Variants in SMG1 observed in about 807,000 individuals in gnomAD.
The protein encoded by SMG1 is serine/threonine-protein kinase SMG1.
A neutral mutation model predicts 419.9 loss-of-function variants in SMG1; 22 were observed. The ratio of observed to expected loss-of-function variants is 0.05; its 90% CI spans 0.04 to 0.07. SMG1 has a LOEUF of 0.07. Ranked by LOEUF, SMG1 falls within the 10% of genes least tolerant of loss-of-function variation. The probability of loss-of-function intolerance (pLI) is 1.00; values close to 1 mark genes in which losing one functional copy is unlikely to be tolerated. For synonymous variants in SMG1, 1,538 were observed against 1,553.5 expected (o/e 0.99, Z 0.23); for missense variants, 3,185 against 4,342.0 (o/e 0.73, Z 7.49).
At chr16:18,852,641 T>C (rs142421598) in intron 31 of SMG1, among the ~76,000 whole-genome samples, 179 bp from the exon 32 acceptor site, 10 of 152,284 alleles carry the variant, frequency 6.6e-5, no homozygotes, top group East Asian at 1.9e-4. Context: ...CTCTAAAAGG[T>C]TGGTATGTTG....
chr16:18,908,197 C>A (rs2037646387), intron 1 of SMG1, among the ~76,000 whole-genome samples: 1 of 151,860 alleles, frequency 6.6e-6, no homozygotes, highest in African/African-American at 2.4e-5. Context: ...GAAACCCAGT[C>A]TCTACTAAAA....
chr16:18,891,068 A>G (rs2141810895), intron 4 of SMG1, 147 bp from the exon 5 acceptor site: 1 of 618,136 alleles, frequency 1.6e-6, no homozygotes, highest in East Asian at 2.8e-5. Context: ...ATGAGCATGT[A>G]TCAGGAATGT....
chr16:18,813,723 A>T (rs1294876544), intron 60 of SMG1, among the ~76,000 whole-genome samples: 1 of 152,170 alleles, frequency 6.6e-6, no homozygotes, highest in African/African-American at 2.4e-5. Flanking sequence ...TGTTTTAGAC[A>T]TGGAGTCCTT....
chr16:18,836,032 T>C lies in SMG1; in HGVS notation c.7958A>G (p.Lys2653Arg). 1 of 1,584,690 alleles carries C rather than the reference T, an allele frequency of 6.3e-7. No individual in the cohort carries two copies. The highest frequency in any genetic ancestry group is 8.6e-7 in the Non-Finnish European group (1 of 1,165,086). Residue 2653 changes from lysine to arginine, a missense_variant, in exon 48 of 63, where the codon AAG becomes AGG. Transcript: ENST00000446231. ...HYATVALQYP[K>R]AIFQKHRIEQ... is the part of the protein sequence containing the mutation. ...AATTCGATGTTTCTGAAATATGGCC[T>C]TCGGATACTGCAGGGCCACGGTTGC... is the stretch of plus-strand genomic sequence containing the variant.
Position 18,809,383 on chromosome 16 carries a change from C to T in SMG1, c.*186G>A, listed in dbSNP as rs535865943. On this transcript the variant is annotated 3_prime_UTR_variant, in exon 63 of 63. Transcript: ENST00000446231. ...TGGGGTTGCAGGCCATGGTGTTGGG[C>T]GTATCCCTGAGTGCAGCTGTCCTGC... The T allele has an allele frequency of 7.9e-5, 47 of 594,442 alleles. No homozygotes were observed. The highest frequency in any genetic ancestry group is 1.1e-4 in the Non-Finnish European group (34 of 321,954). The allele number at this position is 594,442 out of a possible 1,614,324, so 36.8% of individuals were successfully genotyped here.
chr16:18,924,188 C>G (rs1432067638), intron 1 of SMG1, among the ~76,000 whole-genome samples: 2 of 152,138 alleles, frequency 1.3e-5, no homozygotes, highest in African/African-American at 4.8e-5. Context: ...CTCCCCAGAG[C>G]CAAGAAATAA....
At position 18,834,449 on chromosome 16, in the gene SMG1, T is replaced by G; in HGVS notation, c.8331-11A>C. On this transcript the variant is annotated splice_polypyrimidine_tract_variant and intron_variant, in intron 49 of 62. Coordinates refer to ENST00000446231, the MANE Select transcript of SMG1 (RefSeq NM_015092.5). ...ATCATCAGGTTACGCCTACAAGAGA[T>G]AAATATCTGTACAGTGAAACTTAAA... 1 of 1,607,888 alleles carries G rather than the reference T, an allele frequency of 6.2e-7. No individual in the cohort carries two copies. The highest frequency in any genetic ancestry group is 1.1e-5 in the South Asian group (1 of 90,136).
intron 23 of SMG1, among the ~76,000 whole-genome samples, chr16:18,865,336 T>G (rs970540761): frequency 6.6e-6 from 1 of 152,174 alleles, no homozygotes; most frequent in Admixed American, 6.5e-5. Context: ...TCAGTGACTC[T>G]CAGTATCCAC....
At position 18,834,969 on chromosome 16, in the gene SMG1, A is replaced by G. The variant is rs1447770069; in HGVS notation, c.8253T>C (p.Val2751=). ...QLKEIERCIK[V]FLHENGEEGS... ...CTTCTTCTCCATTCTCATGAAGGAA[A>G]ACTTTAATGCAACGTTCAATTTCTT... Residue 2751 remains valine (V), a synonymous_variant, in exon 49 of 63, where the codon GTT becomes GTC. Coordinates refer to ENST00000446231, the MANE Select transcript of SMG1 (RefSeq NM_015092.5). The G allele has an allele frequency of 4.3e-6, 7 of 1,613,906 alleles. No homozygotes were observed. In the Admixed American group the frequency reaches 1.2e-4, roughly 27 times the overall value.
At chr16:18,907,984 AATATCTTACTCT>A (rs1398160099) in intron 1 of SMG1, among the ~76,000 whole-genome samples, 2 of 152,068 alleles carry the variant, frequency 1.3e-5, no homozygotes, top group Non-Finnish European at 1.5e-5. Context: ...ATTGAAAGGA[AATATCTTACTCT>A]ATGACCTCTT....
At chr16:18,908,754 C>T (rs772847755) in intron 1 of SMG1, among the ~76,000 whole-genome samples, 4 of 151,140 alleles carry the variant, frequency 2.6e-5, no homozygotes, top group Non-Finnish European at 5.9e-5. Context: ...GTGGCAGGCG[C>T]CTGAAGTCCC....
chr16:18,850,755 A>T (rs1237430283), intron 33 of SMG1, among the ~76,000 whole-genome samples: 1 of 151,896 alleles, frequency 6.6e-6, no homozygotes, highest in Non-Finnish European at 1.5e-5. Context: ...TACCTGCAGA[A>T]ATTTTTTTTT....
chr16:18,891,092 A>G (rs2036855952), intron 4 of SMG1, among the ~76,000 whole-genome samples, 171 bp from the exon 5 acceptor site: 1 of 152,174 alleles, frequency 6.6e-6, no homozygotes, highest in Non-Finnish European at 1.5e-5. Context: ...GTTTCCTTTC[A>G]GACTATGAAA....
In SMG1 at chr16:18,830,095, G is replaced by C. The variant is rs1221351917; in HGVS notation, c.8964C>G (p.Pro2988=). 1.2e-6 allele frequency: 2 copies of C among 1,603,076 alleles called. No homozygotes were observed. Among genetic ancestry groups the C allele is most frequent in the Non-Finnish European group, 8.5e-7 (1 of 1,174,750 alleles). Residue 2988 remains proline, a synonymous_variant, in exon 53 of 63, where the codon CCC becomes CCG. Transcript: ENST00000446231. The stretch of plus-strand genomic sequence containing the variant: ...TGATGTCAATCTTTCGCCAAGCTAT[G>C]GGAATTTCCATCTTGTTCAACTATG... ...LVEKLNKMEI[P]IAWRKIDIIR... is the part of the protein sequence containing the mutation.
At chr16:18,911,073 C>T (rs2037774443) in intron 1 of SMG1, among the ~76,000 whole-genome samples, 1 of 152,128 alleles carries the variant, frequency 6.6e-6, no homozygotes, top group African/African-American at 2.4e-5. Flanking sequence ...TGTTTGCTGG[C>T]TTATCATTTC....
rs760844300 is a variant in SMG1 at position 18,839,876 on chromosome 16, T to G, written c.6767A>C (p.Lys2256Thr). The G allele has an allele frequency of 2.5e-5, 40 of 1,612,462 alleles. No homozygotes were observed. The highest frequency in any genetic ancestry group is 3.3e-5 in the Non-Finnish European group (39 of 1,179,156). ...AACTGTTTTCAAAGCAGGGCCAATT[T>G]TACTGTAATAAAGTTCACTAGGACG... is the stretch of plus-strand genomic sequence containing the variant. ...VPRPSELYYS[K>T]IGPALKTVGL... The change falls in exon 42 of 63, where the codon AAA (lysine) becomes ACA (threonine). Residue 2256 changes from lysine to threonine, a missense_variant. Around this residue, in one of 27 missense-constraint regions of SMG1, gnomAD observed 132 missense variants for 151.0 expected, o/e 0.87. Coordinates refer to ENST00000446231, the MANE Select transcript of SMG1 (RefSeq NM_015092.5).
chr16:18,814,068 T>TAAAAAAAAATAAAAAAAAAAA, intron 60 of SMG1, among the ~76,000 whole-genome samples: 1 of 120,876 alleles, frequency 8.3e-6, no homozygotes, highest in African/African-American at 3.2e-5. Flanking sequence ...TAAAAAAAAA[T>TAAAAAAAAATAAAAAAAAAAA]AAAATAAAAT....
At chr16:18,920,486 T>C (rs1441752238) in intron 1 of SMG1, among the ~76,000 whole-genome samples, 2 of 151,794 alleles carry the variant, frequency 1.3e-5, no homozygotes, top group Non-Finnish European at 2.9e-5. Flanking sequence ...GAGTAGGAGT[T>C]TGACACCAGC....
intron 13 of SMG1, among the ~76,000 whole-genome samples, chr16:18,873,821 C>G (rs2035957625): frequency 6.6e-6 from 1 of 152,168 alleles, no homozygotes; most frequent in Admixed American, 6.5e-5. Flanking sequence ...CCATCTTTTT[C>G]CTTTACACTG....
Sources: gnomAD v4.1 joint callset for allele counts (sites outside exome capture counted in the v4.1 genomes callset) on GRCh38, gnomAD v4.1.1 for gene constraint, gnomAD v4.1.1 regional missense constraint, MANE v1.5 for transcripts, NCBI Gene and HGNC (gene_info 2026-07-23, HGNC 2026-07-21) for gene names.